The following SNX25 variants were observed in gnomAD, a reference collection of about 807,000 sequenced individuals.
The protein encoded by SNX25 is sorting nexin-25.
SNX25 carries 62 observed loss-of-function variants against 113.7 expected under a neutral mutation model. The ratio of observed to expected loss-of-function variants is 0.55; its 90% CI spans 0.44 to 0.67. The LOEUF is 0.67. Ranked by LOEUF, SNX25 falls within the 30% of genes least tolerant of loss-of-function variation. The pLI is 0.00. For synonymous variants in SNX25, 421 were observed against 436.2 expected, an observed-to-expected ratio of 0.97 and a Z score of 0.43; for missense variants, 1,014 against 1,161.0, an observed-to-expected ratio of 0.87 and a Z score of 1.84.
intron 5 of SNX25, among the ~76,000 whole-genome samples, chr4:185,282,810 C>T (rs942819252): frequency 3.3e-5 from 5 of 152,134 alleles, no homozygotes; most frequent in Admixed American, 1.3e-4. Context: ...CAAGGGAAAG[C>T]GTACAAACAT....
chr4:185,281,500 A>G (rs1339421754), intron 5 of SNX25, among the ~76,000 whole-genome samples: 1 of 152,224 alleles, frequency 6.6e-6, no homozygotes, highest in African/African-American at 2.4e-5. Flanking sequence ...TGTTAGAAAC[A>G]GGATTTGAAC....
At chr4:185,357,769 T>G (rs760022120) in intron 16 of SNX25, 32 bp downstream of exon 16, 1 of 1,556,884 alleles carries the variant, frequency 6.4e-7, no homozygotes, top group African/African-American at 1.4e-5. Flanking sequence ...TTTGGATCCA[T>G]GCCCTACTCT....
chr4:185,270,685 C>G (rs771673898), intron 5 of SNX25, among the ~76,000 whole-genome samples: 1 of 152,206 alleles, frequency 6.6e-6, no homozygotes, highest in Non-Finnish European at 1.5e-5. Flanking sequence ...ACTCCCCATT[C>G]CTTCCCTCCC....
downstream of SNX25, among the ~76,000 whole-genome samples, chr4:185,368,966 G>A (rs1477149431): frequency 2.0e-5 from 3 of 151,380 alleles, no homozygotes; most frequent in East Asian, 5.9e-4. Context: ...GCTAATTTTT[G>A]TATTTCTAGT....
chr4:185,288,170 TAGG>T, intron 6 of SNX25, 88 bp downstream of exon 6: 1 of 951,760 alleles, frequency 1.1e-6, no homozygotes, highest in Non-Finnish European at 1.6e-6. Flanking sequence ...CTTTGGCAAA[TAGG>T]AGCTTTTCTG....
intron 7 of SNX25, among the ~76,000 whole-genome samples, chr4:185,315,920 A>C (rs890832751): frequency 6.6e-6 from 1 of 152,150 alleles, no homozygotes; most frequent in Non-Finnish European, 1.5e-5. Flanking sequence ...GGCTTGATGG[A>C]ATATTTATTT....
downstream of SNX25, among the ~76,000 whole-genome samples, chr4:185,370,394 A>G (rs954367624): frequency 7.2e-5 from 11 of 152,210 alleles, no homozygotes; most frequent in African/African-American, 2.7e-4. Context: ...GGCTGCAGAT[A>G]GTAGCAGAAT....
intron 9 of SNX25, among the ~76,000 whole-genome samples, chr4:185,327,769 A>T (rs2095166564): frequency 6.6e-6 from 1 of 152,202 alleles, no homozygotes; most frequent in African/African-American, 2.4e-5. Context: ...ATAGTTCAAG[A>T]TGTAGTTAAC....
intron 1 of SNX25, among the ~76,000 whole-genome samples, chr4:185,220,666 G>A (rs965310453): frequency 4.6e-5 from 7 of 151,966 alleles, no homozygotes; most frequent in African/African-American, 1.7e-4. Flanking sequence ...ATTTTTAGTA[G>A]AGACGGGGTT....
Position 185,363,686 on chromosome 4 carries a change from T to C in SNX25, c.*221T>C, listed in dbSNP as rs1425204930. The stretch of plus-strand genomic sequence containing the variant: ...TGATTTTAATTTAATATGAATACTT[T>C]AAAGATCAACATACCGATTGAAATA... On this transcript the variant is annotated 3_prime_UTR_variant, in exon 19 of 19. Coordinates refer to ENST00000652585, the MANE Select transcript of SNX25 (RefSeq NM_001378034.2). The surrounding 1 kb of genome is among the most constrained non-coding windows in gnomAD (Gnocchi z 4.2). 1 of 417,618 alleles carries C rather than the reference T, an allele frequency of 2.4e-6. No homozygotes were observed. Among genetic ancestry groups the C allele is most frequent in the Non-Finnish European group, 4.3e-6 (1 of 232,238 alleles). The allele number at this position is 417,618 out of a possible 1,614,324, so 25.9% of individuals were successfully genotyped here. A position where few individuals can be genotyped will look rare whatever the true frequency, so the allele number is the denominator to read the frequency against.
At chr4:185,244,267 A>G (rs953976304) in intron 1 of SNX25, among the ~76,000 whole-genome samples, 2 of 152,248 alleles carry the variant, frequency 1.3e-5, no homozygotes, top group African/African-American at 4.8e-5. Flanking sequence ...TGCTGGGATT[A>G]TAGGCGTGAG....
rs538989320 is a variant in SNX25, at chr4:185,323,766, A to G, written c.1715A>G (p.His572Arg). ...EKLLIKEEEK[H>R]ASQMISNKDE... Reference sequence around the variant, plus strand: ...TTGTTGATAAAAGAGGAAGAAAAACATGCCTCACAGATGATTTCCAACAAG... The same window carrying G: ...TTGTTGATAAAAGAGGAAGAAAAACGTGCCTCACAGATGATTTCCAACAAG... The change falls in exon 9 of 19, where the codon CAT becomes CGT. Residue 572 changes from histidine to arginine, a missense_variant. His to Arg is a conservative substitution (Grantham distance 29, BLOSUM62 0). Coordinates refer to ENST00000652585, the MANE Select transcript of SNX25 (RefSeq NM_001378034.2). The G allele has an allele frequency of 3.1e-6, 5 of 1,613,586 alleles. No homozygotes were observed. The highest frequency in any genetic ancestry group is 3.3e-5 in the Admixed American group (2 of 59,966).
At chr4:185,257,983 T>C (rs566460838) in intron 2 of SNX25, among the ~76,000 whole-genome samples, 10 of 152,304 alleles carry the variant, frequency 6.6e-5, no homozygotes, top group African/African-American at 1.9e-4. Context: ...ATTATTAATG[T>C]ACAATATGGG....
At chr4:185,256,954 G>A in intron 2 of SNX25, among the ~76,000 whole-genome samples, 1 of 151,988 alleles carries the variant, frequency 6.6e-6, no homozygotes, top group East Asian at 1.9e-4. Context: ...CTAATTTGGT[G>A]TGTAGTGGCC....
At chr4:185,263,326 G>A (rs965545813) in intron 3 of SNX25, among the ~76,000 whole-genome samples, 1 of 152,078 alleles carries the variant, frequency 6.6e-6, no homozygotes, top group South Asian at 2.1e-4. Context: ...TAAAGGAGTA[G>A]CATCTTAATC....
intron 9 of SNX25, among the ~76,000 whole-genome samples, chr4:185,330,984 T>C (rs1288572): frequency 0.37 from 56,832 of 152,092 alleles, 15,008 homozygotes; most frequent in African/African-American, 0.76. Flanking sequence ...TTAATTAAAA[T>C]ATCTATACTC....
chr4:185,214,644 A>G (rs968906649), intron 1 of SNX25, among the ~76,000 whole-genome samples: 2 of 152,186 alleles, frequency 1.3e-5, no homozygotes, highest in Non-Finnish European at 2.9e-5. Flanking sequence ...CCATGTGAAG[A>G]AAGCATTAAT....
chr4:185,239,924 T>C (rs1342511460), intron 1 of SNX25, among the ~76,000 whole-genome samples: 4 of 150,744 alleles, frequency 2.7e-5, no homozygotes, highest in Non-Finnish European at 5.9e-5. Flanking sequence ...CCTTCCGCAG[T>C]GTTTGTGTCC....
intron 13 of SNX25, among the ~76,000 whole-genome samples, chr4:185,348,063 A>G (rs2095296952): frequency 6.6e-6 from 1 of 152,174 alleles, no homozygotes; most frequent in Non-Finnish European, 1.5e-5. Flanking sequence ...TTTCCTTTAA[A>G]CACTTTATTA....
Sources: gnomAD v4.1 joint callset for allele counts (sites outside exome capture counted in the v4.1 genomes callset) on GRCh38, gnomAD v4.1.1 for gene constraint, Gnocchi (gnomAD v3.1) non-coding constraint, MANE v1.5 for transcripts, NCBI Gene and HGNC (gene_info 2026-07-23, HGNC 2026-07-21) for gene names.